DNAH7: variants seen among roughly 807,000 people sequenced by gnomAD.
DNAH7 encodes axonemal beta dynein heavy chain 7.
Under a neutral mutation model 444.6 loss-of-function variants are expected in DNAH7, and 397 were observed. The ratio of observed to expected loss-of-function variants is 0.89; its 90% CI spans 0.82 to 0.97. The LOEUF (loss-of-function observed/expected upper bound fraction) is 0.97, where lower values mean the gene tolerates loss of function less well. Ranked by LOEUF, DNAH7 falls within the 50% of genes least tolerant of loss-of-function variation. DNAH7 has a pLI of 0.00. For synonymous variants in DNAH7, 1,636 were observed against 1,624.4 expected (o/e 1.01, Z -0.17); for missense variants, 4,902 against 4,800.8 (o/e 1.02, Z -0.62).
chr2:195,751,759 C>T (rs746975153), intron 63 of DNAH7, among the ~76,000 whole-genome samples: 6 of 152,274 alleles, frequency 3.9e-5, no homozygotes, highest in Middle Eastern at 3.4e-3. Flanking sequence ...GGCTAGAACA[C>T]GCCTGGCCTC....
At position 195,738,077 on chromosome 2, in the gene DNAH7, ATAACT is replaced by A; in HGVS notation, c.11914_11918del (p.Ser3972CysfsTer6). ...CACTTGTCTTATACAATGGAGCAAC[ATAACT>A]TGGCCGTTTTGGTATATCTGCCCTC... On this transcript the variant is annotated frameshift_variant, in exon 65 of 65. Transcript: ENST00000312428. LOFTEE classifies it low-confidence loss of function (END_TRUNC). The A allele has an allele frequency of 6.2e-7, 1 of 1,614,000 alleles. No homozygotes were observed. Among genetic ancestry groups the A allele is most frequent in the Non-Finnish European group, 8.5e-7 (1 of 1,179,864 alleles).
intron 16 of DNAH7, among the ~76,000 whole-genome samples, chr2:195,971,053 T>A (rs1173503896): frequency 6.6e-6 from 1 of 152,222 alleles, no homozygotes; most frequent in Non-Finnish European, 1.5e-5. Flanking sequence ...CTGCAGTTTT[T>A]AAAAAAATCT....
intron 16 of DNAH7, 94 bp downstream of exon 16, chr2:195,972,148 G>T: frequency 1.0e-6 from 1 of 970,898 alleles, no homozygotes; most frequent in African/African-American, 1.7e-5. Flanking sequence ...AGCTAAAAAA[G>T]TATGCACTCA....
intron 5 of DNAH7, among the ~76,000 whole-genome samples, chr2:196,037,651 AT>A (rs1696479944): frequency 1.3e-5 from 2 of 152,158 alleles, no homozygotes; most frequent in African/African-American, 4.8e-5. Context: ...AGAAGGAAGA[AT>A]TTTTTAACTT....
intron 25 of DNAH7, among the ~76,000 whole-genome samples, chr2:195,907,698 A>T (rs1268174099): frequency 6.6e-6 from 1 of 152,186 alleles, no homozygotes; most frequent in African/African-American, 2.4e-5. Context: ...TGCATATTTT[A>T]TGCAAGGACA....
chr2:195,981,241 A>G (rs1339124850), intron 15 of DNAH7, among the ~76,000 whole-genome samples: 1 of 152,142 alleles, frequency 6.6e-6, no homozygotes, highest in Non-Finnish European at 1.5e-5. Flanking sequence ...AATCTCATTT[A>G]CAATAGCCAT....
At chr2:195,799,004 T>C (rs1696316228) in intron 55 of DNAH7, among the ~76,000 whole-genome samples, 2 of 152,158 alleles carry the variant, frequency 1.3e-5, no homozygotes, top group Admixed American at 1.3e-4. Context: ...CCCAAGTTCA[T>C]ACACTGGTGC....
In DNAH7 at chr2:195,873,659, G is replaced by A. The variant is rs764194915; in HGVS notation, c.6322C>T (p.Arg2108Ter). The A allele has an allele frequency of 3.3e-6, 5 of 1,531,666 alleles. No homozygotes were observed. Among genetic ancestry groups the A allele is most frequent in the Middle Eastern group, 1.7e-4 (1 of 5,846 alleles). 94.9% of individuals were successfully genotyped at this position (1,531,666 alleles called of 1,614,324 possible). The change falls in exon 39 of 65, where the codon CGA becomes TGA. Residue 2108 changes from arginine to a stop codon, truncating the protein, a stop_gained. Transcript: ENST00000312428. LOFTEE classifies it high-confidence loss of function. Reference protein sequence around the residue: ...GRNPVTPRYMRHFNIITINEF... With the variant: ...GRNPVTPRYM ...TTGATTGTTATAATATTGAAATGTC[G>A]CATGTATCGAGGAGTTACTGGATTT...
At chr2:195,861,401 A>C (rs983342504) in intron 42 of DNAH7, among the ~76,000 whole-genome samples, 11 of 152,168 alleles carry the variant, frequency 7.2e-5, no homozygotes, top group Non-Finnish European at 1.5e-5. Flanking sequence ...AGAGGGTTTA[A>C]CTATTACCCA....
At chr2:196,002,930 C>T (rs1460115798) in intron 10 of DNAH7, among the ~76,000 whole-genome samples, 1 of 151,688 alleles carries the variant, frequency 6.6e-6, no homozygotes, top group African/African-American at 2.4e-5. Context: ...ATTGCTTGAA[C>T]CTGGGAAGCA....
At chr2:195,872,027 C>G (rs1205419860) in intron 40 of DNAH7, among the ~76,000 whole-genome samples, 1 of 129,732 alleles carries the variant, frequency 7.7e-6, no homozygotes, top group Non-Finnish European at 1.6e-5. Context: ...TATAAATCAA[C>G]AGAAATTCCT....
At position 195,799,364 on chromosome 2, in the gene DNAH7, G is replaced by A; in HGVS notation, c.10285C>T (p.Pro3429Ser). The change falls in exon 55 of 65, where the codon CCA (proline) becomes TCA (serine). Residue 3429 changes from proline (P) to serine (S), a missense_variant. By Grantham distance (74) the Pro-to-Ser change is moderately conservative (BLOSUM62 -1). Transcript: ENST00000312428. ...CCAGGAGAGAGCACGAAAATCAGTG[G>A]TGCACAGCAGTTACTGTCTCCAAAT... is the stretch of plus-strand genomic sequence containing the variant. ...KAFGDSNCCA[P>S]LIFVLSPGAD... 1.9e-6 allele frequency: 3 copies of A among 1,612,394 alleles called. No individual in the cohort carries two copies. Among genetic ancestry groups the A allele is most frequent in the Non-Finnish European group, 2.5e-6 (3 of 1,179,222 alleles).
rs1691741985 is a variant in DNAH7 at position 195,970,058 on chromosome 2, A to G, written c.2095T>C (p.Tyr699His). ...CERFVEELES[Y>H]AKQSEEFYSF... ...TAAAATTCTTCTGATTGCTTAGCAT[A>G]ACTCTCCAATTCCTCCACAAACCGT... Residue 699 changes from tyrosine to histidine, a missense_variant, in exon 17 of 65, where the codon TAT becomes CAT. By Grantham distance (83) the Tyr-to-His change is moderately conservative. Transcript: ENST00000312428. 1 of 1,612,634 alleles carries G rather than the reference A, an allele frequency of 6.2e-7. No homozygotes were observed. The highest frequency in any genetic ancestry group is 1.3e-5 in the African/African-American group (1 of 74,994).
chr2:195,986,375 TGAAA>T (rs2125629585), intron 14 of DNAH7, among the ~76,000 whole-genome samples: 1 of 152,314 alleles, frequency 6.6e-6, no homozygotes, highest in Admixed American at 6.5e-5. Flanking sequence ...CTATACAGCT[TGAAA>T]GAAATATTTT....
chr2:195,964,205 G>T (rs950100928), intron 17 of DNAH7, among the ~76,000 whole-genome samples: 1 of 152,254 alleles, frequency 6.6e-6, no homozygotes, highest in South Asian at 2.1e-4. Flanking sequence ...TTTTGATAGG[G>T]ATTACACTGA....
At position 195,799,489 on chromosome 2, in the gene DNAH7, A is replaced by T; in HGVS notation, c.10177-17T>A. The T allele has an allele frequency of 1.3e-6, 2 of 1,535,918 alleles. No homozygotes were observed. The highest frequency in any genetic ancestry group is 1.7e-6 in the Non-Finnish European group (2 of 1,143,956). ...TGGAATAACCTAGAAAGAGACAAGG[A>T]TATAGTTGGAAGAATATTCAAAATC... On this transcript the variant is annotated splice_polypyrimidine_tract_variant and intron_variant, in intron 54 of 64. Transcript: ENST00000312428.
At position 195,972,611 on chromosome 2, in the gene DNAH7, C is replaced by G. The variant is rs1473071643; in HGVS notation, c.1834-145G>C. 12 of 585,198 alleles carry G rather than the reference C, an allele frequency of 2.1e-5. No individual in the cohort carries two copies. The East Asian group carries it at 3.3e-4, about 16-fold the overall frequency. The allele number at this position is 585,198 out of a possible 1,614,324, so 36.3% of individuals were successfully genotyped here. ...AAAATCAGGGACTACAGCATAGTTT[C>G]CTTCTCATCCCTCCCAAACATCTCA... On this transcript the variant is annotated intron_variant, in intron 15 of 64. Coordinates refer to ENST00000312428, the MANE Select transcript of DNAH7 (RefSeq NM_018897.3).
At chr2:195,767,624 T>C (rs1402327882) in intron 61 of DNAH7, among the ~76,000 whole-genome samples, 1 of 152,020 alleles carries the variant, frequency 6.6e-6, no homozygotes, top group East Asian at 1.9e-4. Flanking sequence ...TCTTGTTTAA[T>C]AATTAAATTA....
At chr2:195,966,893 T>TA (rs1007282162) in intron 17 of DNAH7, among the ~76,000 whole-genome samples, 9 of 151,756 alleles carry the variant, frequency 5.9e-5, no homozygotes, top group South Asian at 2.1e-4. Flanking sequence ...CTGTTTTTTT[T>TA]AAAAAAACCA....
Sources: allele counts gnomAD v4.1 joint callset (sites outside exome capture counted in the v4.1 genomes callset), GRCh38; gene constraint gnomAD v4.1.1; transcripts MANE v1.5; gene names NCBI Gene and HGNC (gene_info 2026-07-23, HGNC 2026-07-21).